ZNF496: variants seen among roughly 807,000 people sequenced by gnomAD.
The protein encoded by ZNF496 is zinc finger protein 496.
Under a neutral mutation model 58.9 loss-of-function variants are expected in ZNF496, and 11 were observed. That is an observed-to-expected ratio of 0.19 (90% confidence interval 0.12 to 0.31). The LOEUF (loss-of-function observed/expected upper bound fraction) is 0.31. ZNF496 is among the 10% of genes least tolerant of loss of function. ZNF496 has a pLI of 1.00. For synonymous variants in ZNF496, 338 were observed against 318.2 expected, an observed-to-expected ratio of 1.06 and a Z score of -0.66; for missense variants, 660 against 783.0, an observed-to-expected ratio of 0.84 and a Z score of 1.88.
intron 6 of ZNF496, among the ~76,000 whole-genome samples, chr1:247,317,985 A>C (rs1338177364): frequency 6.6e-6 from 1 of 152,236 alleles, no homozygotes; most frequent in Non-Finnish European, 1.5e-5. Context: ...CAAACAAACG[A>C]AAAAATAGAA....
At chr1:247,321,398 G>C (rs1005791990) in intron 6 of ZNF496, among the ~76,000 whole-genome samples, 1 of 152,166 alleles carries the variant, frequency 6.6e-6, no homozygotes, top group Non-Finnish European at 1.5e-5. Context: ...TTAACGTATA[G>C]AGAATTTCAG....
chr1:247,302,318 A>C (rs939737694), intron 9 of ZNF496, among the ~76,000 whole-genome samples: 2 of 151,816 alleles, frequency 1.3e-5, no homozygotes, highest in Non-Finnish European at 2.9e-5. Flanking sequence ...GGCTATGGAG[A>C]GCAGAGAGAT....
Position 247,309,876 on chromosome 1 carries a change from G to A in ZNF496, c.785-70C>T. The stretch of plus-strand genomic sequence containing the variant: ...TCCTGCAGCAACCAGGGCTGGTCCA[G>A]AAGAGAGAAGGCGGAGGGATGCCCA... On this transcript the variant is annotated intron_variant, in intron 7 of 9. Coordinates refer to ENST00000682384, the MANE Select transcript of ZNF496 (RefSeq NM_032752.3). The surrounding 1 kb of genome is among the most constrained non-coding windows in gnomAD (Gnocchi z 4.3). The A allele has an allele frequency of 3.2e-6, 5 of 1,558,736 alleles. No individual in the cohort carries two copies. The highest frequency in any genetic ancestry group is 4.4e-6 in the Non-Finnish European group (5 of 1,140,222).
intron 7 of ZNF496, 197 bp from the exon 8 acceptor site, chr1:247,310,003 C>A: frequency 7.1e-7 from 1 of 1,399,126 alleles, no homozygotes; most frequent in Non-Finnish European, 9.4e-7. Context: ...GCTTGGGGGT[C>A]TCTCTGAGGC....
At chr1:247,325,875 T>C (rs1165967034) in intron 5 of ZNF496, among the ~76,000 whole-genome samples, 4 of 152,070 alleles carry the variant, frequency 2.6e-5, no homozygotes, top group Non-Finnish European at 4.4e-5. Context: ...CATATATATA[T>C]GAATGGAGAT....
intron 9 of ZNF496, among the ~76,000 whole-genome samples, chr1:247,301,938 G>A (rs1462065500): frequency 2.0e-5 from 3 of 152,202 alleles, no homozygotes; most frequent in African/African-American, 7.2e-5. Context: ...CAGCTCCCCG[G>A]CTCCCAGTAG....
intron 6 of ZNF496, among the ~76,000 whole-genome samples, chr1:247,320,946 A>T (rs191541953): frequency 6.6e-6 from 1 of 152,156 alleles, no homozygotes; most frequent in Non-Finnish European, 1.5e-5. Context: ...AGGCCGAGGC[A>T]GGTGGATCAC....
chr1:247,315,670 A>C (rs1011070624), intron 6 of ZNF496, among the ~76,000 whole-genome samples: 2 of 152,138 alleles, frequency 1.3e-5, no homozygotes, highest in Non-Finnish European at 2.9e-5. Context: ...GAGAACGGGG[A>C]AAGTGAAGGA....
intron 6 of ZNF496, among the ~76,000 whole-genome samples, chr1:247,315,146 G>T (rs1659731483): frequency 6.9e-6 from 1 of 144,156 alleles, no homozygotes; most frequent in Non-Finnish European, 1.5e-5. Flanking sequence ...AAAAGTAAAA[G>T]ATGTTAATAT....
chr1:247,305,907 C>A (rs1361931532), intron 9 of ZNF496, among the ~76,000 whole-genome samples: 1 of 152,076 alleles, frequency 6.6e-6, no homozygotes, highest in African/African-American at 2.4e-5. Flanking sequence ...TAAAGAGACC[C>A]CATCTTTAAA....
chr1:247,309,898 C>T lies in ZNF496; in HGVS notation c.785-92G>A, dbSNP rs1206604300. The T allele has an allele frequency of 1.4e-6, 2 of 1,471,030 alleles. No individual in the cohort carries two copies. The highest frequency in any genetic ancestry group is 2.0e-5 in the Admixed American group (1 of 49,776). 91.1% of individuals were successfully genotyped at this position (1,471,030 alleles called of 1,614,324 possible). ...CCAGAAGAGAGAAGGCGGAGGGATG[C>T]CCAGCGGGCATGGCACCATCAGGGG... On this transcript the variant is annotated intron_variant, in intron 7 of 9. Transcript: ENST00000682384. This position sits in a 1 kb window ranked among gnomAD's most constrained non-coding sequence, Gnocchi z 4.3.
rs937953860 is a variant in ZNF496, at chr1:247,301,206, G to A, written c.1077C>T (p.Ser359=). The A allele has an allele frequency of 2.6e-6, 4 of 1,567,004 alleles. No homozygotes were observed. Among genetic ancestry groups the A allele is most frequent in the African/African-American group, 2.7e-5 (2 of 73,010 alleles). ...CATGCTGGGAGTCCTCGTCCCCAGA[G>A]CTGGAGAGAACGATCTCGATGGTCA... is the stretch of plus-strand genomic sequence containing the variant. ...EEVTIEIVLS[S]SGDEDSQHGP... is the part of the protein sequence containing the mutation. The change falls in exon 10 of 10, where the codon AGC becomes AGT. Residue 359 remains serine (S), a synonymous_variant. Coordinates refer to ENST00000682384, the MANE Select transcript of ZNF496 (RefSeq NM_032752.3).
At chr1:247,318,012 CAG>C (rs1428179497) in intron 6 of ZNF496, among the ~76,000 whole-genome samples, 2 of 152,162 alleles carry the variant, frequency 1.3e-5, no homozygotes, top group African/African-American at 4.8e-5. Context: ...TGTAAAGACA[CAG>C]AAAGTCTCAG....
chr1:247,301,843 T>C (rs917573533), intron 9 of ZNF496, among the ~76,000 whole-genome samples: 3 of 152,222 alleles, frequency 2.0e-5, no homozygotes, highest in African/African-American at 7.2e-5. Flanking sequence ...TAAGGTGATC[T>C]GTGCCAGGAA....
intron 5 of ZNF496, among the ~76,000 whole-genome samples, chr1:247,327,827 A>G (rs1660187416): frequency 1.1e-5 from 1 of 87,694 alleles, no homozygotes; most frequent in African/African-American, 3.7e-5. Flanking sequence ...GGCCCCCCAG[A>G]CACTCTCTTT....
intron 5 of ZNF496, 81 bp downstream of exon 5, chr1:247,328,602 T>C: frequency 5.0e-6 from 7 of 1,395,416 alleles, no homozygotes; most frequent in Non-Finnish European, 6.6e-6. Flanking sequence ...GCCATCAGCT[T>C]AACAAAAACC....
intron 6 of ZNF496, among the ~76,000 whole-genome samples, chr1:247,315,469 C>T (rs763419491): frequency 1.1e-4 from 17 of 152,152 alleles, no homozygotes; most frequent in South Asian, 2.1e-4. Flanking sequence ...TAAGAAGCAA[C>T]GATGCTGGAT....
chr1:247,310,012 G>A, intron 7 of ZNF496: 1 of 1,414,818 alleles, frequency 7.1e-7, no homozygotes, highest in South Asian at 1.5e-5. Context: ...TCTCTCTGAG[G>A]CTTTCGGGTG....
rs890134848 is a variant in ZNF496 at position 247,329,778 on chromosome 1, GA to G, written c.-37-164del. Among the ~76,000 whole-genome samples, 59 of 152,272 alleles carry G rather than the reference GA, an allele frequency of 3.9e-4. No homozygotes were observed. Among genetic ancestry groups the G allele is most frequent in the African/African-American group, 1.4e-3 (58 of 41,564 alleles). Reference sequence around the variant, plus strand: ...TGTGGCTGGTCTTTACACACAGGATGAAACAGACAGAAAGATGCCCTCCCCC... The same window carrying G: ...TGTGGCTGGTCTTTACACACAGGATGAACAGACAGAAAGATGCCCTCCCCC... On this transcript the variant is annotated intron_variant, in intron 3 of 9. Transcript: ENST00000682384. This position sits in a 1 kb window ranked among gnomAD's most constrained non-coding sequence, Gnocchi z 5.5.
Sources: allele counts gnomAD v4.1 joint callset (sites outside exome capture counted in the v4.1 genomes callset), GRCh38; gene constraint gnomAD v4.1.1; non-coding constraint Gnocchi (gnomAD v3.1); transcripts MANE v1.5; gene names NCBI Gene and HGNC (gene_info 2026-07-23, HGNC 2026-07-21).